CEBPZ: variants seen among roughly 807,000 people sequenced by gnomAD.
CEBPZ encodes CCAAT enhancer binding protein zeta.
Under a neutral mutation model 104.5 loss-of-function variants are expected in CEBPZ, and 78 were observed. That is an observed-to-expected ratio of 0.75 (90% confidence interval 0.62 to 0.90). The LOEUF (loss-of-function observed/expected upper bound fraction) is 0.90, where lower values mean the gene tolerates loss of function less well. Among genes scored for constraint, CEBPZ ranks in the 40% least tolerant of loss-of-function variants. CEBPZ has a pLI of 0.00. For missense variants in CEBPZ, 1,439 were observed against 1,233.5 expected, an observed-to-expected ratio of 1.17 and a Z score of -2.50; for synonymous variants, 470 against 427.0, an observed-to-expected ratio of 1.10 and a Z score of -1.24.
chr2:37,220,317 A>T, intron 5 of CEBPZ, 68 bp downstream of exon 5: 1 of 448,866 alleles, frequency 2.2e-6, no homozygotes, highest in East Asian at 4.9e-5. Context: ...CTCTGTCTCA[A>T]AAAAAAAAAA....
In CEBPZ at chr2:37,222,275, C is replaced by T. The variant is rs1158280534; in HGVS notation, c.2065+105G>A. On this transcript the variant is annotated intron_variant, in intron 4 of 15. Transcript: ENST00000234170. ...TTCCAGCCTGGGCAACAGAGTGAGA[C>T]TCTGTCTAAATAAATAAATAAGTAA... The T allele has an allele frequency of 2.9e-6, 3 of 1,030,760 alleles. No homozygotes were observed. The East Asian group carries it at 8.4e-5, about 29-fold the overall frequency. 63.9% of individuals were successfully genotyped at this position (1,030,760 alleles called of 1,614,324 possible). A position where few individuals can be genotyped will look rare whatever the true frequency, so the allele number is the denominator to read the frequency against.
intron 6 of CEBPZ, 117 bp from the exon 7 acceptor site, chr2:37,216,535 A>G: frequency 1.4e-6 from 1 of 713,356 alleles, no homozygotes; most frequent in South Asian, 1.9e-5. Context: ...CAAATATGCA[A>G]TAAATGACTC....
At chr2:37,209,628 T>C (rs748035818) in intron 13 of CEBPZ, 4 of 152,148 alleles carry the variant, frequency 2.6e-5, no homozygotes, top group Non-Finnish European at 5.9e-5. Flanking sequence ...TCTCACCTTA[T>C]GCAGAAAACT....
chr2:37,230,090 C>T (rs1406726978), intron 1 of CEBPZ, among the ~76,000 whole-genome samples: 1 of 152,078 alleles, frequency 6.6e-6, no homozygotes, highest in Non-Finnish European at 1.5e-5. Context: ...TAGTGAAAGA[C>T]TGGCAATAAT....
At chr2:37,207,237 C>G (rs10198835) in intron 13 of CEBPZ, among the ~76,000 whole-genome samples, 6 of 152,072 alleles carry the variant, frequency 3.9e-5, no homozygotes, top group Non-Finnish European at 8.8e-5. Flanking sequence ...CAGCCCTAGA[C>G]GGGTCATCAA....
chr2:37,212,851 A>C (rs1677767722), intron 10 of CEBPZ, among the ~76,000 whole-genome samples: 1 of 146,280 alleles, frequency 6.8e-6, no homozygotes, highest in Admixed American at 7.1e-5. Context: ...AAAAAAAAAA[A>C]CAAAAACAAC....
At chr2:37,204,366 C>T (rs1044615124) in intron 13 of CEBPZ, 1 of 151,540 alleles carries the variant, frequency 6.6e-6, no homozygotes, top group Non-Finnish European at 1.5e-5. Flanking sequence ...CAACCTCTGC[C>T]TTCTGGGTTC....
At chr2:37,208,361 A>G (rs1204612480) in intron 13 of CEBPZ, among the ~76,000 whole-genome samples, 1 of 152,142 alleles carries the variant, frequency 6.6e-6, no homozygotes, top group African/African-American at 2.4e-5. Context: ...CTAGAGACCA[A>G]TATTCCTCAT....
intron 13 of CEBPZ, among the ~76,000 whole-genome samples, chr2:37,206,673 G>C (rs1475966239): frequency 6.6e-6 from 1 of 152,064 alleles, no homozygotes; most frequent in Non-Finnish European, 1.5e-5. Flanking sequence ...TCTAAATCTT[G>C]AAACAAAACC....
chr2:37,212,104 C>G lies in CEBPZ; in HGVS notation c.2604-65G>C. On this transcript the variant is annotated intron_variant, in intron 11 of 15. Coordinates refer to ENST00000234170, the MANE Select transcript of CEBPZ (RefSeq NM_005760.3). ...ATTTTCTAAAGTAGTGTTTTGCTGACTACTAGGGCAGTAGGCTATTAAATG... is the reference window on the plus strand; with the variant it reads ...ATTTTCTAAAGTAGTGTTTTGCTGAGTACTAGGGCAGTAGGCTATTAAATG... The G allele has an allele frequency of 2.9e-6, 4 of 1,375,970 alleles. No individual in the cohort carries two copies. In the South Asian group the frequency reaches 4.2e-5, roughly 14 times the overall value. The allele number at this position is 1,375,970 out of a possible 1,614,324, so 85.2% of individuals were successfully genotyped here.
chr2:37,220,018 G>T (rs570576314), intron 5 of CEBPZ, among the ~76,000 whole-genome samples: 1 of 152,152 alleles, frequency 6.6e-6, no homozygotes, highest in South Asian at 2.1e-4. Context: ...CATCCTCAAG[G>T]GCAAAAATAT....
intron 13 of CEBPZ, chr2:37,210,239 G>A (rs1293879187): frequency 6.6e-6 from 1 of 152,178 alleles, no homozygotes; most frequent in East Asian, 1.9e-4. Flanking sequence ...AGAACTGAAA[G>A]TAGAACTATC....
chr2:37,231,001 C>G (rs1322814480), intron 1 of CEBPZ, among the ~76,000 whole-genome samples: 4 of 152,108 alleles, frequency 2.6e-5, no homozygotes, highest in African/African-American at 9.7e-5. Flanking sequence ...AATTAGGATG[C>G]TCCAAAAAAG....
intron 13 of CEBPZ, among the ~76,000 whole-genome samples, chr2:37,205,261 C>T (rs1484436612): frequency 6.6e-6 from 1 of 152,152 alleles, no homozygotes; most frequent in Non-Finnish European, 1.5e-5. Flanking sequence ...CATCATATCC[C>T]CTGTGACCTG....
At chr2:37,224,966 T>C (rs1046024162) in intron 2 of CEBPZ, among the ~76,000 whole-genome samples, 1 of 152,138 alleles carries the variant, frequency 6.6e-6, no homozygotes, top group Non-Finnish European at 1.5e-5. Flanking sequence ...TTCTAATAGA[T>C]TTCAAACACT....
intron 11 of CEBPZ, 71 bp downstream of exon 11, chr2:37,212,264 T>G (rs1051075390): frequency 5.2e-6 from 7 of 1,342,950 alleles, no homozygotes; most frequent in Non-Finnish European, 7.5e-6. Context: ...AGTTCTGTGG[T>G]CTACTGTTCT....
intron 4 of CEBPZ, among the ~76,000 whole-genome samples, chr2:37,222,022 G>A (rs113723242): frequency 5.3e-5 from 8 of 152,258 alleles, no homozygotes; most frequent in African/African-American, 9.6e-5. Flanking sequence ...AGTGGCTCAC[G>A]CCTGTAATCC....
rs758051134 is a variant in CEBPZ, at chr2:37,217,062, T to A, written c.2155-25A>T. 3.2e-6 allele frequency: 5 copies of A among 1,585,496 alleles called. No homozygotes were observed. The Admixed American group carries it at 8.4e-5, about 26-fold the overall frequency. ...ACTAAAAAGAAAAATGTGAATAATA[T>A]CAATATTTCTAAGGTCGACTCTTAG... On this transcript the variant is annotated intron_variant, in intron 5 of 15. Transcript: ENST00000234170.
In CEBPZ at chr2:37,201,862, G is replaced by A. The variant is rs766607984; in HGVS notation, c.3067C>T (p.Leu1023=). Residue 1023 remains leucine, a synonymous_variant, in exon 16 of 16, where the codon CTA becomes TTA. Transcript: ENST00000234170. ...ATACTTTTTGCATCTCTGTTGTGTAGCCAGTCATCACGTTCAGCCTCCCAT... is the reference window on the plus strand; with the variant it reads ...ATACTTTTTGCATCTCTGTTGTGTAACCAGTCATCACGTTCAGCCTCCCAT... ...LRWEAERDDW[L]HNRDAKSIIK... is the part of the protein sequence containing the mutation. 6.2e-7 allele frequency: 1 copy of A among 1,613,344 alleles called. No individual in the cohort carries two copies. Among genetic ancestry groups the A allele is most frequent in the Non-Finnish European group, 8.5e-7 (1 of 1,179,640 alleles).
Sources: allele counts gnomAD v4.1 joint callset (sites outside exome capture counted in the v4.1 genomes callset), GRCh38; gene constraint gnomAD v4.1.1; transcripts MANE v1.5; gene names NCBI Gene and HGNC (gene_info 2026-07-23, HGNC 2026-07-21).